SMPDL3A: variants seen among roughly 807,000 people sequenced by gnomAD.
The protein encoded by SMPDL3A is sphingomyelin phosphodiesterase acid like 3A.
Under a neutral mutation model 38.5 loss-of-function variants are expected in SMPDL3A, and 39 were observed. The ratio of observed to expected loss-of-function variants is 1.01; its 90% confidence interval spans 0.78 to 1.32. The LOEUF is 1.32. SMPDL3A is among the 40% of genes most tolerant of loss of function. The probability of loss-of-function intolerance (pLI) is 0.00; values close to 1 mark genes in which losing one functional copy is unlikely to be tolerated. For missense variants in SMPDL3A, 502 were observed against 536.2 expected, an observed-to-expected ratio of 0.94 and a Z score of 0.63; for synonymous variants, 180 against 194.3, an observed-to-expected ratio of 0.93 and a Z score of 0.61.
Position 122,796,814 on chromosome 6 carries a change from C to G in SMPDL3A, c.327-10C>G. 1.9e-6 allele frequency: 3 copies of G among 1,608,016 alleles called. No homozygotes were observed. The highest frequency in any genetic ancestry group is 2.5e-6 in the Non-Finnish European group (3 of 1,177,596). On this transcript the variant is annotated splice_polypyrimidine_tract_variant and intron_variant, in intron 2 of 7. Coordinates refer to ENST00000368440, the MANE Select transcript of SMPDL3A (RefSeq NM_006714.5). Reference sequence around the variant, plus strand: ...TGATTTTGTTCTTTACAATCTCTCTCTTTTTTCAGGGATAGCCCACCTCAT... The same window carrying G: ...TGATTTTGTTCTTTACAATCTCTCTGTTTTTTCAGGGATAGCCCACCTCAT...
intron 1 of SMPDL3A, among the ~76,000 whole-genome samples, chr6:122,790,632 AC>A (rs1167000128): frequency 6.6e-6 from 1 of 152,186 alleles, no homozygotes; most frequent in African/African-American, 2.4e-5. Context: ...TGAAGCAAAA[AC>A]TGTAAATCTG....
chr6:122,795,585 G>A, intron 1 of SMPDL3A, 92 bp from the exon 2 acceptor site: 1 of 935,878 alleles, frequency 1.1e-6, no homozygotes, highest in Non-Finnish European at 1.6e-6. Flanking sequence ...TCACAGGGAG[G>A]AACAACCGTC....
At chr6:122,792,030 A>AC (rs1376778831) in intron 1 of SMPDL3A, among the ~76,000 whole-genome samples, 1 of 152,208 alleles carries the variant, frequency 6.6e-6, no homozygotes, top group Non-Finnish European at 1.5e-5. Flanking sequence ...GAACAGGAAA[A>AC]CGTGCTGTAG....
intron 7 of SMPDL3A, among the ~76,000 whole-genome samples, chr6:122,807,879 C>A (rs1234709571): frequency 6.6e-6 from 1 of 152,072 alleles, no homozygotes; most frequent in African/African-American, 2.4e-5. Context: ...CTACAACTTT[C>A]AGTTGCCTAA....
At chr6:122,806,130 A>G in intron 6 of SMPDL3A, 103 bp from the exon 7 acceptor site, 1 of 1,008,418 alleles carries the variant, frequency 9.9e-7, no homozygotes, top group South Asian at 2.2e-5. Context: ...ATCACATATC[A>G]CTTGGTTATG....
chr6:122,802,989 A>T (rs1781475800), intron 4 of SMPDL3A, among the ~76,000 whole-genome samples: 1 of 152,240 alleles, frequency 6.6e-6, no homozygotes, highest in African/African-American at 2.4e-5. Flanking sequence ...TGTTGTGACT[A>T]CAAGAAAGAA....
At chr6:122,801,257 AT>A in intron 3 of SMPDL3A, 52 bp from the exon 4 acceptor site, 1 of 1,284,858 alleles carries the variant, frequency 7.8e-7, no homozygotes, top group South Asian at 1.2e-5. Flanking sequence ...GTTTACATTA[AT>A]TCAGCTGTGT....
At chr6:122,800,993 C>T (rs771765634) in intron 3 of SMPDL3A, among the ~76,000 whole-genome samples, 4 of 152,142 alleles carry the variant, frequency 2.6e-5, no homozygotes, top group East Asian at 1.9e-4. Context: ...TCAAGTGATC[C>T]GCCTGCCTTG....
rs1780986181 is a variant in SMPDL3A at position 122,789,453 on chromosome 6, C to G, written c.107C>G (p.Ala36Gly). The change falls in exon 1 of 8, where the codon GCG becomes GGG. Residue 36 changes from alanine (A) to glycine (G), a missense_variant. Physicochemically the swap from Ala to Gly is moderately conservative, Grantham distance 60. Coordinates refer to ENST00000368440, the MANE Select transcript of SMPDL3A (RefSeq NM_006714.5). The stretch of plus-strand genomic sequence containing the variant: ...GCAGGCGGCAGGAATCCTCCTCCGG[C>G]GATAGGTGAGTTGTCCGCGACCCTT... ...APAGGRNPPPAIGQFWHVTDL... is the reference protein window; with the variant it reads ...APAGGRNPPPGIGQFWHVTDL... 2 of 1,548,382 alleles carry G rather than the reference C, an allele frequency of 1.3e-6. No homozygotes were observed. The highest frequency in any genetic ancestry group is 1.7e-6 in the Non-Finnish European group (2 of 1,145,466).
At chr6:122,803,307 A>G (rs1490531956) in intron 4 of SMPDL3A, among the ~76,000 whole-genome samples, 2 of 152,224 alleles carry the variant, frequency 1.3e-5, no homozygotes, top group Non-Finnish European at 2.9e-5. Flanking sequence ...AATGTCTCTC[A>G]TCTTAAGCCC....
chr6:122,806,747 A>G (rs927308454), intron 7 of SMPDL3A, among the ~76,000 whole-genome samples: 13 of 152,118 alleles, frequency 8.5e-5, no homozygotes, highest in African/African-American at 1.9e-4. Context: ...TTATTTCTAA[A>G]CTTTTCTGTG....
rs756004565 is a variant in SMPDL3A, at chr6:122,796,967, A to T, written c.470A>T (p.Gln157Leu). The T allele has an allele frequency of 1.0e-5, 16 of 1,608,016 alleles. No individual in the cohort carries two copies. Among genetic ancestry groups the T allele is most frequent in the Non-Finnish European group, 1.1e-5 (13 of 1,178,316 alleles). ...CTGGGTAATCATGACTATTGGCCAC[A>T]GGTAAATTTGATAGACTTTCAGAAA... ...PALGNHDYWPQDQLPVVTSKV... is the reference protein window; with the variant it reads ...PALGNHDYWPLDQLPVVTSKV... The change falls in exon 3 of 8, where the codon CAG becomes CTG. Residue 157 changes from glutamine (Q) to leucine (L), a missense_variant and splice_region_variant. Transcript: ENST00000368440.
chr6:122,789,641 C>A (rs1780998835), intron 1 of SMPDL3A, among the ~76,000 whole-genome samples, 183 bp downstream of exon 1: 1 of 152,244 alleles, frequency 6.6e-6, no homozygotes, highest in African/African-American at 2.4e-5. Context: ...CAAGGGACTA[C>A]AGCGTTAGGG....
At chr6:122,806,677 C>T (rs1406228735) in intron 7 of SMPDL3A, among the ~76,000 whole-genome samples, 1 of 152,174 alleles carries the variant, frequency 6.6e-6, no homozygotes, top group Non-Finnish European at 1.5e-5. Flanking sequence ...CATTCTTCTT[C>T]TCCAGAATAT....
chr6:122,806,287 T>G lies in SMPDL3A; in HGVS notation c.974T>G (p.Val325Gly). 4 of 1,613,400 alleles carry G rather than the reference T, an allele frequency of 2.5e-6. No individual in the cohort carries two copies. Among genetic ancestry groups the G allele is most frequent in the Non-Finnish European group, 3.4e-6 (4 of 1,179,504 alleles). ...VAPAVTPVKS[V>G]LEKQTNNPGI... is the part of the protein sequence containing the mutation. ...CCTGCTGTTACACCAGTGAAGAGTGTTTTAGAAAAACAGACCAACAATCCT... is the reference window on the plus strand; with the variant it reads ...CCTGCTGTTACACCAGTGAAGAGTGGTTTAGAAAAACAGACCAACAATCCT... The change falls in exon 7 of 8, where the codon GTT becomes GGT. Residue 325 changes from valine to glycine, a missense_variant. By Grantham distance (109) the Val-to-Gly change is moderately radical. Coordinates refer to ENST00000368440, the MANE Select transcript of SMPDL3A (RefSeq NM_006714.5).
rs1412817167 is a variant in SMPDL3A at position 122,789,312 on chromosome 6, C to T, written c.-35C>T. The stretch of plus-strand genomic sequence containing the variant: ...TGACGGTCCGAGTGGAGCTGCGGGA[C>T]AGCCCGAACCTCCAGGTCAGCCCCG... On this transcript the variant is annotated 5_prime_UTR_variant, in exon 1 of 8. Transcript: ENST00000368440. 2 of 1,452,222 alleles carry T rather than the reference C, an allele frequency of 1.4e-6. No individual in the cohort carries two copies. Among genetic ancestry groups the T allele is most frequent in the Non-Finnish European group, 9.3e-7 (1 of 1,072,466 alleles). 90.0% of individuals were successfully genotyped at this position (1,452,222 alleles called of 1,614,324 possible). A position where few individuals can be genotyped will look rare whatever the true frequency, so the allele number is the denominator to read the frequency against.
chr6:122,807,193 G>A (rs1781654649), intron 7 of SMPDL3A, among the ~76,000 whole-genome samples: 1 of 152,054 alleles, frequency 6.6e-6, no homozygotes, highest in African/African-American at 2.4e-5. Flanking sequence ...GAGCCACTGG[G>A]CACACCCAAA....
At chr6:122,806,471 TCTC>T (rs1582559065) in intron 7 of SMPDL3A, 114 bp downstream of exon 7, 5 of 1,027,720 alleles carry the variant, frequency 4.9e-6, no homozygotes, top group African/African-American at 3.2e-5. Context: ...TATGTTGAAA[TCTC>T]CTGGCATCCT....
intron 6 of SMPDL3A, among the ~76,000 whole-genome samples, chr6:122,805,667 A>T (rs905491076): frequency 5.3e-5 from 8 of 152,194 alleles, no homozygotes; most frequent in Non-Finnish European, 1.2e-4. Context: ...CTCTGTTGCC[A>T]GGCTGGAGCG....
Sources: gnomAD v4.1 joint callset for allele counts (sites outside exome capture counted in the v4.1 genomes callset) on GRCh38, gnomAD v4.1.1 for gene constraint, MANE v1.5 for transcripts, NCBI Gene and HGNC (gene_info 2026-07-23, HGNC 2026-07-21) for gene names.